The following ZNF423 variants were observed in gnomAD, a reference collection of about 807,000 sequenced individuals.
ZNF423 encodes the protein zinc finger protein 423.
Under a neutral mutation model 95.8 loss-of-function variants are expected in ZNF423, and 12 were observed. The observed-to-expected ratio is 0.13, with a 90% CI of 0.08 to 0.20. The LOEUF (loss-of-function observed/expected upper bound fraction) is 0.20. ZNF423 is among the 10% of genes least tolerant of loss of function. The probability of loss-of-function intolerance (pLI) is 1.00; values close to 1 mark genes in which losing one functional copy is unlikely to be tolerated. For missense variants in ZNF423, 1,316 were observed against 1,737.1 expected (o/e 0.76, Z 4.31); for synonymous variants, 749 against 711.9 (o/e 1.05, Z -0.83).
intron 5 of ZNF423, among the ~76,000 whole-genome samples, chr16:49,545,858 G>A (rs1006235596): frequency 1.3e-5 from 2 of 152,240 alleles, no homozygotes; most frequent in East Asian, 3.9e-4. Context: ...CATCTGGGAT[G>A]GGCTCATAAA....
At chr16:49,770,218 A>G (rs987792367) in intron 2 of ZNF423, among the ~76,000 whole-genome samples, 1 of 152,008 alleles carries the variant, frequency 6.6e-6, no homozygotes, top group African/African-American at 2.4e-5. Flanking sequence ...GAATGAATGA[A>G]TGAATGGGCC....
chr16:49,634,031 T>G (rs1380706319), intron 4 of ZNF423, among the ~76,000 whole-genome samples: 3 of 151,484 alleles, frequency 2.0e-5, no homozygotes, highest in Non-Finnish European at 2.9e-5. Context: ...CTCAGCCTCG[T>G]GAGTATCTGG....
chr16:49,650,680 C>T (rs1428661312), intron 3 of ZNF423, among the ~76,000 whole-genome samples: 2 of 152,202 alleles, frequency 1.3e-5, no homozygotes, highest in African/African-American at 2.4e-5. Context: ...TTAGTGAATC[C>T]CTCTCACCCT....
intron 5 of ZNF423, among the ~76,000 whole-genome samples, chr16:49,568,032 G>A (rs1258233121): frequency 6.6e-6 from 1 of 152,236 alleles, no homozygotes; most frequent in Non-Finnish European, 1.5e-5. Flanking sequence ...AGGTGAGCAT[G>A]TGATTCAGGC....
intron 5 of ZNF423, among the ~76,000 whole-genome samples, chr16:49,548,402 CA>C (rs1457270138): frequency 6.6e-6 from 1 of 152,080 alleles, no homozygotes; most frequent in African/African-American, 2.4e-5. Context: ...TGGTACAAAG[CA>C]ATAATTATGA....
chr16:49,755,662 G>A (rs1209968985), intron 2 of ZNF423, among the ~76,000 whole-genome samples: 3 of 152,114 alleles, frequency 2.0e-5, no homozygotes, highest in East Asian at 1.9e-4. Flanking sequence ...ATTAACCCTC[G>A]TTTACAGGGT....
chr16:49,597,399 GT>G (rs1198436569), intron 5 of ZNF423, among the ~76,000 whole-genome samples: 2 of 152,158 alleles, frequency 1.3e-5, no homozygotes, highest in Non-Finnish European at 1.5e-5. Context: ...TTAAGGTTTA[GT>G]ACGATAAAAG....
At chr16:49,826,508 C>T (rs1389587576) in intron 1 of ZNF423, among the ~76,000 whole-genome samples, 3 of 152,184 alleles carry the variant, frequency 2.0e-5, no homozygotes, top group Non-Finnish European at 4.4e-5. Context: ...AGTCCCTAAC[C>T]ACCTGTGTGA....
At chr16:49,824,923 T>C (rs1252830552) in intron 1 of ZNF423, among the ~76,000 whole-genome samples, 12 of 152,150 alleles carry the variant, frequency 7.9e-5, no homozygotes. Flanking sequence ...CGTGGGCTGG[T>C]TTTTAAGACT....
chr16:49,714,826 C>T (rs190242953), intron 3 of ZNF423, among the ~76,000 whole-genome samples: 1 of 151,974 alleles, frequency 6.6e-6, no homozygotes, highest in Non-Finnish European at 1.5e-5. Flanking sequence ...CACTGAAGAC[C>T]GAAATGCACC....
At chr16:49,779,781 G>T (rs1269821087) in intron 2 of ZNF423, among the ~76,000 whole-genome samples, 1 of 152,180 alleles carries the variant, frequency 6.6e-6, no homozygotes, top group Non-Finnish European at 1.5e-5. Context: ...ACCAAAGAGA[G>T]GCCTTTCCAT....
intron 4 of ZNF423, among the ~76,000 whole-genome samples, chr16:49,626,782 C>T (rs540155329): frequency 4.6e-5 from 7 of 151,564 alleles, no homozygotes; most frequent in African/African-American, 1.5e-4. Flanking sequence ...CATCCATCCT[C>T]CATCTACCCA....
At chr16:49,683,262 GCAGGAGACAGACACTGAC>G (rs1476364847) in intron 3 of ZNF423, among the ~76,000 whole-genome samples, 1 of 152,208 alleles carries the variant, frequency 6.6e-6, no homozygotes, top group African/African-American at 2.4e-5. Flanking sequence ...ATTGTCTCCT[GCAGGAGACAGACACTGAC>G]CAGCAAATTG....
intron 3 of ZNF423, chr16:49,711,127 G>A (rs2032530420): frequency 6.6e-6 from 1 of 152,226 alleles, no homozygotes; most frequent in African/African-American, 2.4e-5. Context: ...GAGTAGAGCA[G>A]GTGGGATAAA....
chr16:49,815,156 A>G (rs917540262), intron 1 of ZNF423, among the ~76,000 whole-genome samples: 2 of 152,134 alleles, frequency 1.3e-5, no homozygotes, highest in African/African-American at 4.8e-5. Context: ...TTATCAGTAA[A>G]ATGGGTCAAA....
At chr16:49,828,702 C>T (rs1279543786) in intron 1 of ZNF423, among the ~76,000 whole-genome samples, 1 of 152,218 alleles carries the variant, frequency 6.6e-6, no homozygotes, top group South Asian at 2.1e-4. Flanking sequence ...CCTGGGCGGG[C>T]GCCATGCTCC....
chr16:49,688,090 G>C (rs2031637048), intron 3 of ZNF423, among the ~76,000 whole-genome samples: 2 of 38,316 alleles, frequency 5.2e-5, no homozygotes, highest in Non-Finnish European at 9.0e-5. Flanking sequence ...CCCTGGTTGA[G>C]AGGGAAAAAA....
In ZNF423 at chr16:49,645,477, T is replaced by C. The variant is rs1448292180; in HGVS notation, c.302-6603A>G. On this transcript the variant is annotated intron_variant, in intron 3 of 7. Transcript: ENST00000563137. ...GATGTCTGCCATGAGCAGAGACATG[T>C]AGGAATGGAATAGTCAAAGGGCACT... is the stretch of plus-strand genomic sequence containing the variant. Among the ~76,000 whole-genome samples, 3 of 152,200 alleles carry C rather than the reference T, an allele frequency of 2.0e-5. No individual in the cohort carries two copies. The East Asian group carries it at 5.8e-4, about 29-fold the overall frequency.
chr16:49,788,716 A>G (rs1171619190), intron 2 of ZNF423, among the ~76,000 whole-genome samples: 1 of 152,150 alleles, frequency 6.6e-6, no homozygotes, highest in Non-Finnish European at 1.5e-5. Flanking sequence ...AAGGCAGGGG[A>G]GGAGGACAAG....
Sources: allele counts gnomAD v4.1 joint callset (sites outside exome capture counted in the v4.1 genomes callset), GRCh38; gene constraint gnomAD v4.1.1; transcripts MANE v1.5; gene names NCBI Gene and HGNC (gene_info 2026-07-23, HGNC 2026-07-21).